TTC7A: variants seen among roughly 807,000 people sequenced by gnomAD.
TTC7A encodes the protein tetratricopeptide repeat protein 7A.
A neutral mutation model predicts 103.7 loss-of-function variants in TTC7A; 110 were observed. The ratio of observed to expected loss-of-function variants is 1.06; its 90% CI spans 0.91 to 1.24. TTC7A has a LOEUF of 1.24. Among genes scored for constraint, TTC7A ranks in the 50% most tolerant of loss-of-function variants. The probability of loss-of-function intolerance (pLI) is 0.00; values close to 1 mark genes in which losing one functional copy is unlikely to be tolerated. For missense variants in TTC7A, 1,340 were observed against 1,116.3 expected, an observed-to-expected ratio of 1.20 and a Z score of -2.86; for synonymous variants, 521 against 467.9, an observed-to-expected ratio of 1.11 and a Z score of -1.47.
intron 15 of TTC7A, among the ~76,000 whole-genome samples, chr2:47,037,882 C>T (rs1258182468): frequency 6.6e-6 from 1 of 152,150 alleles, no homozygotes; most frequent in East Asian, 1.9e-4. Context: ...CCCTGCTGGG[C>T]CTTTTATGTG....
In TTC7A at chr2:46,941,643, G is replaced by C. The variant is rs1409686440; in HGVS notation, c.102G>C (p.Arg34=). Residue 34 remains arginine (R), a synonymous_variant, in exon 1 of 20, where the codon CGG becomes CGC. Transcript: ENST00000319190. This position sits in a 1 kb window ranked among gnomAD's most constrained non-coding sequence, Gnocchi z 4.2. ...GHWDRMPELV[R]QLQTLSMPGG... ...GGGACCGCATGCCGGAGCTGGTCCG[G>C]CAGCTGCAGACGCTGAGCATGCCCG... 1.7e-5 allele frequency: 26 copies of C among 1,553,094 alleles called. No individual in the cohort carries two copies. The highest frequency in any genetic ancestry group is 2.7e-5 in the African/African-American group (2 of 73,290).
chr2:47,046,181 C>T, intron 15 of TTC7A, 134 bp from the exon 16 acceptor site: 1 of 697,654 alleles, frequency 1.4e-6, no homozygotes, highest in Non-Finnish European at 2.6e-6. Flanking sequence ...ATGGCAGAGG[C>T]TGCTGCCCTC....
At chr2:46,960,088 T>C (rs1429828725) in intron 3 of TTC7A, among the ~76,000 whole-genome samples, 1 of 152,166 alleles carries the variant, frequency 6.6e-6, no homozygotes, top group Non-Finnish European at 1.5e-5. Flanking sequence ...ACACATGTGC[T>C]CAGACTGACC....
At chr2:46,925,207 C>T (rs1669324415) in intron 2 of TTC7A, among the ~76,000 whole-genome samples, 1 of 152,198 alleles carries the variant, frequency 6.6e-6, no homozygotes, top group South Asian at 2.1e-4. Context: ...CTTCCCACCT[C>T]AGCATCCTGA....
At position 47,054,107 on chromosome 2, in the gene TTC7A, A is replaced by G. The variant is rs528149675; in HGVS notation, c.2152+2227A>G. On this transcript the variant is annotated intron_variant, in intron 18 of 19. Coordinates refer to ENST00000319190, the MANE Select transcript of TTC7A (RefSeq NM_020458.4). The stretch of plus-strand genomic sequence containing the variant: ...GTCTTAGATATTCACTCCACAGAAG[A>G]GAACTCCGAGAACAGCATCTGAATG... 1.0e-4 allele frequency: 101 copies of G among 985,422 alleles called. 1 individual carries two copies. The African/African-American group carries it at 1.6e-3, about 16-fold the overall frequency. The allele number at this position is 985,422 out of a possible 1,614,324, so 61.0% of individuals were successfully genotyped here. A position where few individuals can be genotyped will look rare whatever the true frequency, so the allele number is the denominator to read the frequency against.
chr2:47,000,178 C>A (rs1158915501), intron 8 of TTC7A, among the ~76,000 whole-genome samples: 1 of 151,386 alleles, frequency 6.6e-6, no homozygotes, highest in Admixed American at 6.6e-5. Context: ...CTGATAAATA[C>A]TTGATTCTGA....
intron 3 of TTC7A, among the ~76,000 whole-genome samples, chr2:46,968,925 T>C (rs1226544006): frequency 8.7e-6 from 1 of 115,170 alleles, no homozygotes; most frequent in Non-Finnish European, 1.8e-5. Flanking sequence ...ACCTCTGTTT[T>C]GTTTTTGTGT....
intron 3 of TTC7A, among the ~76,000 whole-genome samples, chr2:46,967,939 G>A (rs1211844614): frequency 6.6e-6 from 1 of 152,024 alleles, no homozygotes; most frequent in Admixed American, 6.6e-5. Flanking sequence ...GGGTACCCAA[G>A]TCTGGGATTC....
At chr2:46,919,499 C>T (rs557495727) in intron 2 of TTC7A, among the ~76,000 whole-genome samples, 1 of 152,358 alleles carries the variant, frequency 6.6e-6, no homozygotes, top group South Asian at 2.1e-4. Context: ...CACCATTGCT[C>T]TTCAGCCTGG....
At chr2:46,995,281 C>T (rs988207611) in intron 8 of TTC7A, 82 bp downstream of exon 8, 29 of 1,378,430 alleles carry the variant, frequency 2.1e-5, no homozygotes, top group Middle Eastern at 1.8e-4. Flanking sequence ...ACAGGCCACC[C>T]GTGACCTAGC....
rs1047386271 is a variant in TTC7A at position 47,073,877 on chromosome 2, C to T, written c.2531C>T (p.Ala844Val). 6.2e-7 allele frequency: 1 copy of T among 1,613,498 alleles called. No homozygotes were observed. The highest frequency in any genetic ancestry group is 8.5e-7 in the Non-Finnish European group (1 of 1,180,014). ...TTCCTCACCGCCCTTGAGCTGGAGG[C>T]CAGCAGCCCTGTACTGCCCTTCTCC... ...DCFLTALELE[A>V]SSPVLPFSII... Residue 844 changes from alanine (A) to valine (V), a missense_variant, in exon 20 of 20, where the codon GCC becomes GTC. By Grantham distance (64) the Ala-to-Val change is moderately conservative (BLOSUM62 0). Coordinates refer to ENST00000319190, the MANE Select transcript of TTC7A (RefSeq NM_020458.4).
intron 10 of TTC7A, among the ~76,000 whole-genome samples, chr2:47,010,484 G>C (rs1401917001): frequency 6.6e-6 from 1 of 152,116 alleles, no homozygotes; most frequent in Admixed American, 6.5e-5. Context: ...TTCGTGTCTG[G>C]CTGTGGCTGC....
At chr2:47,000,663 C>T (rs953516210) in intron 8 of TTC7A, among the ~76,000 whole-genome samples, 3 of 152,078 alleles carry the variant, frequency 2.0e-5, no homozygotes, top group Non-Finnish European at 4.4e-5. Context: ...ACAGTGTCCT[C>T]CAGGGAGGGG....
intron 3 of TTC7A, among the ~76,000 whole-genome samples, chr2:46,961,868 C>T (rs1044418233): frequency 2.0e-5 from 3 of 152,178 alleles, no homozygotes; most frequent in South Asian, 2.1e-4. Context: ...GAGATCACAC[C>T]ATGGCACTAC....
chr2:47,041,951 G>A (rs999636687), intron 15 of TTC7A, among the ~76,000 whole-genome samples: 2 of 152,078 alleles, frequency 1.3e-5, no homozygotes, highest in African/African-American at 4.8e-5. Context: ...ATATACGTAT[G>A]CACAGAAGTC....
At chr2:47,059,430 C>T (rs887807015) in intron 18 of TTC7A, among the ~76,000 whole-genome samples, 9 of 152,280 alleles carry the variant, frequency 5.9e-5, no homozygotes, top group Non-Finnish European at 5.9e-5. Flanking sequence ...CATCAGCTCT[C>T]CATCAGGGCA....
chr2:46,934,893 C>G (rs371958523), intron 2 of TTC7A, among the ~76,000 whole-genome samples: 1 of 140,942 alleles, frequency 7.1e-6, no homozygotes, highest in Admixed American at 8.0e-5. Flanking sequence ...CTCCGCCTCC[C>G]GGGTTCAAGC....
At chr2:46,956,514 G>A (rs373597883) in intron 2 of TTC7A, 1 of 298,278 alleles carries the variant, frequency 3.4e-6, no homozygotes, top group Non-Finnish European at 6.4e-6. Flanking sequence ...TGCCCCCTGG[G>A]GCTGCAGTCT....
chr2:47,046,730 C>A, intron 16 of TTC7A: 1 of 395,418 alleles, frequency 2.5e-6, no homozygotes, highest in Non-Finnish European at 4.6e-6. Context: ...TATCTTACAC[C>A]TCAGCTGCTT....
Sources: allele counts gnomAD v4.1 joint callset (sites outside exome capture counted in the v4.1 genomes callset), GRCh38; gene constraint gnomAD v4.1.1; non-coding constraint Gnocchi (gnomAD v3.1); transcripts MANE v1.5; gene names NCBI Gene and HGNC (gene_info 2026-07-23, HGNC 2026-07-21).